Variants in PHLDB2 observed in about 807,000 individuals in gnomAD.
PHLDB2 encodes pleckstrin homology-like domain family B member 2.
A neutral mutation model predicts 123.6 loss-of-function variants in PHLDB2; 71 were observed. The observed-to-expected ratio is 0.57, with a 90% CI of 0.47 to 0.70. The LOEUF is 0.70. Among genes scored for constraint, PHLDB2 ranks in the 30% least tolerant of loss-of-function variants. The pLI, the probability that PHLDB2 is intolerant of heterozygous loss-of-function variation, is 0.00. For synonymous variants in PHLDB2, 547 were observed against 541.6 expected (o/e 1.01, Z -0.14); for missense variants, 1,446 against 1,519.5 (o/e 0.95, Z 0.80).
At chr3:111,875,938 T>A (rs1203542383) in intron 1 of PHLDB2, among the ~76,000 whole-genome samples, 1 of 151,970 alleles carries the variant, frequency 6.6e-6, no homozygotes, top group African/African-American at 2.4e-5. Context: ...ATGGTCCAAA[T>A]GTATTATATA....
At chr3:111,770,447 A>G (rs983250593) in intron 1 of PHLDB2, among the ~76,000 whole-genome samples, 2 of 152,206 alleles carry the variant, frequency 1.3e-5, no homozygotes, top group African/African-American at 4.8e-5. Flanking sequence ...TAAGTGGGCT[A>G]GCCTCTGAGA....
chr3:111,752,916 G>C (rs2059808966), intron 1 of PHLDB2, among the ~76,000 whole-genome samples: 1 of 151,284 alleles, frequency 6.6e-6, no homozygotes, highest in Admixed American at 6.6e-5. Context: ...TTTTGTTCTT[G>C]TGATAGTTTA....
intron 12 of PHLDB2, 132 bp downstream of exon 12, chr3:111,954,161 G>A: frequency 1.4e-6 from 1 of 694,292 alleles, no homozygotes; most frequent in South Asian, 2.0e-5. Context: ...CTCTTAATGT[G>A]TTCTCTTTCG....
chr3:111,753,544 T>G (rs1281188259), intron 1 of PHLDB2, among the ~76,000 whole-genome samples: 2 of 151,846 alleles, frequency 1.3e-5, no homozygotes, highest in Non-Finnish European at 2.9e-5. Context: ...AGATTCTGGA[T>G]ATTAGCCCTT....
chr3:111,773,021 G>A (rs6782962), intron 1 of PHLDB2, among the ~76,000 whole-genome samples: 33,108 of 152,050 alleles, frequency 0.22, 4,102 homozygotes, highest in African/African-American at 0.33. Flanking sequence ...CCTTTCTTGA[G>A]TTTAAGTATA....
intron 13 of PHLDB2, among the ~76,000 whole-genome samples, chr3:111,965,464 A>G (rs2071691708): frequency 1.3e-5 from 2 of 152,244 alleles, no homozygotes; most frequent in South Asian, 2.1e-4. Context: ...TTGATTTACA[A>G]AAATATAATT....
At chr3:111,807,020 G>A (rs1381650294) in intron 1 of PHLDB2, among the ~76,000 whole-genome samples, 2 of 151,442 alleles carry the variant, frequency 1.3e-5, no homozygotes, top group Non-Finnish European at 2.9e-5. Flanking sequence ...CACATTTGCC[G>A]ATTCTCAGTC....
rs1482126539 is a variant in PHLDB2 at position 111,740,697 on chromosome 3, AC to A, written c.-49+7996del. ...TTTAGAAGCCACAAAACTAACAATC[AC>A]CAAAAGTCACCCTTGGCTTGCCCCC... On this transcript the variant is annotated intron_variant, in intron 1 of 17. Coordinates refer to the PHLDB2 transcript ENST00000393923. Among the ~76,000 whole-genome samples, 3 of 97,126 alleles carry A rather than the reference AC, an allele frequency of 3.1e-5. No individual in the cohort carries two copies. The East Asian group carries it at 8.1e-4, about 26-fold the overall frequency. The allele number at this position is 97,126 out of a possible 152,430, so 63.7% of individuals were successfully genotyped here.
chr3:111,786,343 A>G (rs1274533213), intron 1 of PHLDB2, among the ~76,000 whole-genome samples: 1 of 152,186 alleles, frequency 6.6e-6, no homozygotes, highest in African/African-American at 2.4e-5. Flanking sequence ...GGTTGGTTGA[A>G]TCCATTGATG....
chr3:111,803,265 C>T (rs1576657122), intron 1 of PHLDB2, among the ~76,000 whole-genome samples: 1 of 152,320 alleles, frequency 6.6e-6, no homozygotes, highest in Non-Finnish European at 1.5e-5. Context: ...CTTCAAATTT[C>T]TGATGGGGAT....
intron 2 of PHLDB2, among the ~76,000 whole-genome samples, chr3:111,901,000 G>T (rs2067162269): frequency 6.6e-6 from 1 of 151,980 alleles, no homozygotes; most frequent in African/African-American, 2.4e-5. Context: ...GGGATCACAG[G>T]CGTGAGCCAC....
chr3:111,910,863 C>A (rs939274076), intron 2 of PHLDB2, among the ~76,000 whole-genome samples: 6 of 152,204 alleles, frequency 3.9e-5, no homozygotes, highest in African/African-American at 1.2e-4. Context: ...TTTATAGGGC[C>A]AGTGTGTCTC....
intron 1 of PHLDB2, among the ~76,000 whole-genome samples, chr3:111,758,626 G>C (rs893845619): frequency 1.3e-5 from 2 of 152,170 alleles, no homozygotes; most frequent in South Asian, 2.1e-4. Context: ...TGCGCCCACT[G>C]TCTGGCACTC....
At chr3:111,821,968 A>T (rs538382683) in intron 1 of PHLDB2, among the ~76,000 whole-genome samples, 1 of 152,288 alleles carries the variant, frequency 6.6e-6, no homozygotes, top group South Asian at 2.1e-4. Flanking sequence ...TGGCAGGCAA[A>T]AATGTTTAGT....
intron 2 of PHLDB2, among the ~76,000 whole-genome samples, chr3:111,901,628 GTT>G (rs1271907251): frequency 6.6e-6 from 1 of 152,088 alleles, no homozygotes; most frequent in African/African-American, 2.4e-5. Flanking sequence ...AATGGATTGT[GTT>G]TTATAGACTA....
At chr3:111,922,242 T>C (rs2068563109) in intron 5 of PHLDB2, among the ~76,000 whole-genome samples, 1 of 152,246 alleles carries the variant, frequency 6.6e-6, no homozygotes, top group South Asian at 2.1e-4. Context: ...ATCTCACATA[T>C]GGCATGGCCT....
intron 1 of PHLDB2, among the ~76,000 whole-genome samples, chr3:111,772,452 C>T (rs2060194758): frequency 6.6e-6 from 1 of 152,042 alleles, no homozygotes; most frequent in South Asian, 2.1e-4. Flanking sequence ...AGGGGAGTAA[C>T]CATATAAATG....
chr3:111,923,949 T>G (rs2068669468), intron 5 of PHLDB2, among the ~76,000 whole-genome samples: 1 of 152,232 alleles, frequency 6.6e-6, no homozygotes, highest in Non-Finnish European at 1.5e-5. Flanking sequence ...TGCATCACAC[T>G]GTACTTGACT....
intron 1 of PHLDB2, among the ~76,000 whole-genome samples, chr3:111,828,770 G>A (rs2062791241): frequency 6.6e-6 from 1 of 152,132 alleles, no homozygotes; most frequent in Non-Finnish European, 1.5e-5. Flanking sequence ...GCGACAGAGT[G>A]AGATCTGTCT....
Sources: allele counts gnomAD v4.1 joint callset (sites outside exome capture counted in the v4.1 genomes callset), GRCh38; gene constraint gnomAD v4.1.1; transcripts MANE v1.5; gene names NCBI Gene and HGNC (gene_info 2026-07-23, HGNC 2026-07-21).